Variants in PTPRG observed in about 807,000 individuals in gnomAD.
The protein encoded by PTPRG is protein tyrosine phosphatase receptor type G.
In PTPRG, 102 loss-of-function variants were observed where a neutral mutation model predicts 165.3. That is an observed-to-expected ratio of 0.62 (90% confidence interval 0.53 to 0.73). PTPRG has a LOEUF of 0.73. PTPRG is among the 30% of genes least tolerant of loss of function. The pLI is 0.00. For synonymous variants in PTPRG, 675 were observed against 669.5 expected (o/e 1.01, Z -0.13); for missense variants, 1,866 against 1,861.4 (o/e 1.00, Z -0.05).
rs747596109 is a variant in PTPRG, at chr3:61,989,747, G to A, written c.313G>A (p.Asp105Asn). The change falls in exon 3 of 30, where the codon GAT (aspartate) becomes AAT (asparagine). Residue 105 changes from aspartate (D) to asparagine (N), a missense_variant. Around this residue, in one of 3 missense-constraint regions of PTPRG, gnomAD observed 408 missense variants for 376.2 expected, o/e 1.08. Transcript: ENST00000474889. ...VGEEYQELQL[D>N]GFDNESSNKT... ...GGAAGAATACCAGGAACTGCAACTC[G>A]ATGGCTTCGACAATGAGTCTTCTAA... The A allele has an allele frequency of 7.4e-6, 12 of 1,614,000 alleles. No homozygotes were observed. The East Asian group carries it at 1.1e-4, about 15-fold the overall frequency.
intron 6 of PTPRG, among the ~76,000 whole-genome samples, chr3:62,134,150 AG>A (rs557680925): frequency 1.2e-3 from 182 of 152,264 alleles, no homozygotes; most frequent in African/African-American, 4.0e-3. Context: ...ACAAACCTTC[AG>A]GCGACAGCAG....
At chr3:61,646,739 A>G (rs1702212079) in intron 1 of PTPRG, among the ~76,000 whole-genome samples, 1 of 150,374 alleles carries the variant, frequency 6.7e-6, no homozygotes, top group South Asian at 2.1e-4. Flanking sequence ...CAGCATCACA[A>G]TCTAGATACA....
rs764776482 is a variant in PTPRG, at chr3:62,203,347, G to A, written c.1552G>A (p.Gly518Ser). The change falls in exon 12 of 30, where the codon GGC becomes AGC. Residue 518 changes from glycine to serine, a missense_variant. Gly to Ser is a moderately conservative substitution (Grantham distance 56, BLOSUM62 0). Around this residue, in one of 3 missense-constraint regions of PTPRG, gnomAD observed 1,452 missense variants for 1,463.0 expected, o/e 0.99. Transcript: ENST00000474889. The surrounding 1 kb of genome is among the most constrained non-coding windows in gnomAD (Gnocchi z 6.4). Reference sequence around the variant, plus strand: ...GGTGGTCACCAGCACGCTGCTCGCCGGCCTGGGGTTCGGCGGTGGTGGCAT... The same window carrying A: ...GGTGGTCACCAGCACGCTGCTCGCCAGCCTGGGGTTCGGCGGTGGTGGCAT... ...ASVVTSTLLAGLGFGGGGISS... is the reference protein window; with the variant it reads ...ASVVTSTLLASLGFGGGGISS... The A allele has an allele frequency of 1.7e-5, 28 of 1,613,260 alleles. No homozygotes were observed. Among genetic ancestry groups the A allele is most frequent in the African/African-American group, 1.2e-4 (9 of 74,902 alleles).
intron 2 of PTPRG, among the ~76,000 whole-genome samples, chr3:61,968,859 A>C (rs1457432321): frequency 6.6e-6 from 1 of 152,202 alleles, no homozygotes; most frequent in Non-Finnish European, 1.5e-5. Context: ...CAGTTGGTCA[A>C]CTTTAAAGAA....
At chr3:61,575,612 T>TC (rs1176925145) in intron 1 of PTPRG, among the ~76,000 whole-genome samples, 1 of 150,290 alleles carries the variant, frequency 6.7e-6, no homozygotes, top group Non-Finnish European at 1.5e-5. Context: ...TTTTTTTTTT[T>TC]TTTTTTTGAG....
At chr3:61,747,996 A>G (rs940041132) in intron 1 of PTPRG, among the ~76,000 whole-genome samples, 1 of 152,208 alleles carries the variant, frequency 6.6e-6, no homozygotes, top group African/African-American at 2.4e-5. Flanking sequence ...AGCTGGGAAG[A>G]GAGGGCTTTG....
intron 1 of PTPRG, among the ~76,000 whole-genome samples, chr3:61,572,113 G>T (rs11709537): frequency 1.3e-5 from 2 of 152,012 alleles, no homozygotes; most frequent in Admixed American, 1.3e-4. Flanking sequence ...TTCCTGTGAG[G>T]GTTTGCTTCC....
intron 2 of PTPRG, among the ~76,000 whole-genome samples, chr3:61,979,935 T>G (rs955663407): frequency 6.6e-6 from 1 of 152,090 alleles, no homozygotes; most frequent in Non-Finnish European, 1.5e-5. Context: ...TAATTTCTTT[T>G]TTTTTTTCCT....
At chr3:61,978,996 G>A (rs1209686311) in intron 2 of PTPRG, among the ~76,000 whole-genome samples, 2 of 152,106 alleles carry the variant, frequency 1.3e-5, no homozygotes, top group Non-Finnish European at 2.9e-5. Context: ...TGTAAAATGG[G>A]GAAGGTAGGG....
intron 4 of PTPRG, among the ~76,000 whole-genome samples, chr3:62,054,309 G>T (rs1408138432): frequency 1.3e-5 from 2 of 152,182 alleles, no homozygotes; most frequent in Non-Finnish European, 2.9e-5. Flanking sequence ...TTATTTGTTA[G>T]CTACTGTTTT....
chr3:61,763,065 C>T (rs919479121), intron 2 of PTPRG, among the ~76,000 whole-genome samples: 2 of 152,100 alleles, frequency 1.3e-5, no homozygotes, highest in Admixed American at 1.3e-4. Context: ...GGTGAATCAG[C>T]CTTCATATTT....
intron 5 of PTPRG, among the ~76,000 whole-genome samples, chr3:62,085,277 G>C (rs1036677380): frequency 2.0e-5 from 3 of 152,164 alleles, no homozygotes; most frequent in South Asian, 2.1e-4. Flanking sequence ...AAAGGTTGCT[G>C]TTTGTGTCAG....
chr3:62,085,902 A>G (rs1701737748), intron 5 of PTPRG, among the ~76,000 whole-genome samples: 1 of 152,232 alleles, frequency 6.6e-6, no homozygotes, highest in South Asian at 2.1e-4. Context: ...AGGGACAGTA[A>G]GTTTTCAGAA....
At chr3:61,925,808 C>G in intron 2 of PTPRG, 2 of 457,512 alleles carry the variant, frequency 4.4e-6, no homozygotes, top group South Asian at 3.1e-5. Flanking sequence ...CCAGTGTTCA[C>G]CAGAGGGGAT....
At chr3:62,130,145 G>T (rs190402229) in intron 5 of PTPRG, among the ~76,000 whole-genome samples, 1 of 152,316 alleles carries the variant, frequency 6.6e-6, no homozygotes, top group East Asian at 1.9e-4. Flanking sequence ...ACTGCAGATG[G>T]TTCCACTGAG....
At chr3:61,881,776 T>C (rs954821173) in intron 2 of PTPRG, among the ~76,000 whole-genome samples, 1 of 152,198 alleles carries the variant, frequency 6.6e-6, no homozygotes, top group African/African-American at 2.4e-5. Context: ...TTCATTGTCT[T>C]AGATGGTGCC....
At chr3:61,629,877 T>C (rs1352526079) in intron 1 of PTPRG, among the ~76,000 whole-genome samples, 1 of 152,200 alleles carries the variant, frequency 6.6e-6, no homozygotes, top group Non-Finnish European at 1.5e-5. Context: ...TTAGGCTCCT[T>C]AGCCTTTCAA....
At chr3:61,791,460 G>A (rs1043392979) in intron 2 of PTPRG, among the ~76,000 whole-genome samples, 11 of 152,132 alleles carry the variant, frequency 7.2e-5, no homozygotes, top group African/African-American at 2.7e-4. Context: ...ATTTGTAACT[G>A]TTTCAGATGC....
At chr3:61,656,586 A>C (rs1702515729) in intron 1 of PTPRG, among the ~76,000 whole-genome samples, 1 of 152,140 alleles carries the variant, frequency 6.6e-6, no homozygotes, top group South Asian at 2.1e-4. Flanking sequence ...ACTTTTAGGA[A>C]TTTCTTCTCC....
Sources: allele counts gnomAD v4.1 joint callset (sites outside exome capture counted in the v4.1 genomes callset), GRCh38; gene constraint gnomAD v4.1.1; regional missense constraint gnomAD v4.1.1; non-coding constraint Gnocchi (gnomAD v3.1); transcripts MANE v1.5; gene names NCBI Gene and HGNC (gene_info 2026-07-23, HGNC 2026-07-21).